The following ADAMTSL2 variants were observed in gnomAD, a reference collection of about 807,000 sequenced individuals.
ADAMTSL2 encodes ADAMTS-like protein 2.
ADAMTSL2 carries 55 observed loss-of-function variants against 117.0 expected under a neutral mutation model. The ratio of observed to expected loss-of-function variants is 0.47; its 90% CI spans 0.38 to 0.59. The LOEUF is 0.59. Among genes scored for constraint, ADAMTSL2 ranks in the 20% least tolerant of loss-of-function variants. The pLI is 0.00. For missense variants in ADAMTSL2, 1,182 were observed against 1,354.5 expected, an observed-to-expected ratio of 0.87 and a Z score of 2.00; for synonymous variants, 572 against 566.4, an observed-to-expected ratio of 1.01 and a Z score of -0.14.
At chr9:133,548,625 C>T (rs982720484) in intron 9 of ADAMTSL2, among the ~76,000 whole-genome samples, 1 of 151,888 alleles carries the variant, frequency 6.6e-6, no homozygotes, top group Non-Finnish European at 1.5e-5. Flanking sequence ...GGGCTTCGGC[C>T]AGCCCCCTGG....
chr9:133,564,581 AAGGAGAGAGAGAGG>A, intron 12 of ADAMTSL2, among the ~76,000 whole-genome samples: 1 of 70,426 alleles, frequency 1.4e-5, no homozygotes, highest in Admixed American at 1.6e-4. Context: ...AGGGAGAGAG[AAGGAGAGAGAGAGG>A]GGGAGAGAGA....
In ADAMTSL2 at chr9:133,561,305, AC is replaced by A; in HGVS notation, c.1747+11del. 6.3e-7 allele frequency: 1 copy of A among 1,580,698 alleles called. No individual in the cohort carries two copies. The highest frequency in any genetic ancestry group is 1.8e-4 in the Middle Eastern group (1 of 5,656). On this transcript the variant is annotated intron_variant, in intron 12 of 18. Transcript: ENST00000651351. ...GCCACCTGCACCACAGGTACTGGTC[AC>A]GGGTGCCAAGGGGCAGCAACTGCCC...
chr9:133,570,731 C>T (rs1430450627), intron 17 of ADAMTSL2, among the ~76,000 whole-genome samples: 3 of 152,230 alleles, frequency 2.0e-5, no homozygotes, highest in Non-Finnish European at 2.9e-5. Context: ...GGGATCCCTA[C>T]GGCACTCGTC....
At chr9:133,548,994 T>TCTGCGACGCCCTCTATTTCCCCTTAGCC (rs1588288244) in intron 9 of ADAMTSL2, among the ~76,000 whole-genome samples, 7 of 68,064 alleles carry the variant, frequency 1.0e-4, no homozygotes, top group South Asian at 9.6e-4. Flanking sequence ...GTTTCCTTCT[T>TCTGCGACGCCCTCTATTTCCCCTTAGCC]TTTTTTTTTT....
chr9:133,552,683 C>T (rs1489729023), intron 9 of ADAMTSL2, among the ~76,000 whole-genome samples: 1 of 152,186 alleles, frequency 6.6e-6, no homozygotes, highest in Non-Finnish European at 1.5e-5. Flanking sequence ...TGATCACATC[C>T]TGGCAGTGGA....
Position 133,536,795 on chromosome 9 carries a change from G to C in ADAMTSL2, c.83G>C (p.Gly28Ala), listed in dbSNP as rs1350025039. 2 of 1,614,070 alleles carry C rather than the reference G, an allele frequency of 1.2e-6. No homozygotes were observed. The highest frequency in any genetic ancestry group is 2.2e-5 in the East Asian group (1 of 44,896). ...GTAGCTGGGGACACAGTGTCAACCGGGTCCACGGTGAGTGGGGTGTTGTGG... is the reference window on the plus strand; with the variant it reads ...GTAGCTGGGGACACAGTGTCAACCGCGTCCACGGTGAGTGGGGTGTTGTGG... ...AVVAGDTVSTGSTDNSPTSNS... is the reference protein window; with the variant it reads ...AVVAGDTVSTASTDNSPTSNS... The change falls in exon 2 of 19, where the codon GGG (glycine) becomes GCG (alanine). Residue 28 changes from glycine to alanine, a missense_variant. By Grantham distance (60) the Gly-to-Ala change is moderately conservative (BLOSUM62 0). Transcript: ENST00000651351.
In ADAMTSL2 at chr9:133,554,722, G is replaced by C; in HGVS notation, c.1276+29G>C. The C allele has an allele frequency of 6.8e-7, 1 of 1,461,090 alleles. No homozygotes were observed. 90.5% of individuals were successfully genotyped at this position (1,461,090 alleles called of 1,614,324 possible). On this transcript the variant is annotated intron_variant, in intron 10 of 18. Coordinates refer to ENST00000651351, the MANE Select transcript of ADAMTSL2 (RefSeq NM_014694.4). This position sits in a 1 kb window ranked among gnomAD's most constrained non-coding sequence, Gnocchi z 5.2. The stretch of plus-strand genomic sequence containing the variant: ...ACCAGGAGGAGGGAGGCATGAGGGT[G>C]GGGCCCGGGAGGCAGCCCAGGGAAG...
At position 133,569,425 on chromosome 9, in the gene ADAMTSL2, G is replaced by A; in HGVS notation, c.2262G>A (p.Gly754=). 7 of 1,613,474 alleles carry A rather than the reference G, an allele frequency of 4.3e-6. No individual in the cohort carries two copies. The highest frequency in any genetic ancestry group is 5.9e-6 in the Non-Finnish European group (7 of 1,180,016). Reference sequence around the variant, plus strand: ...CCCTGCAGTGCAGTGGAAGCTGCGGGCAAGGCCGCACCATCAGGCACGTGT... The same window carrying A: ...CCCTGCAGTGCAGTGGAAGCTGCGGACAAGGCCGCACCATCAGGCACGTGT... ...SDWGPCSGSC[G]QGRTIRHVYC... The change falls in exon 16 of 19, where the codon GGG becomes GGA. Residue 754 remains glycine (G), a synonymous_variant. Coordinates refer to ENST00000651351, the MANE Select transcript of ADAMTSL2 (RefSeq NM_014694.4).
At chr9:133,572,497 C>G (rs2131189350) in intron 17 of ADAMTSL2, among the ~76,000 whole-genome samples, 1 of 152,276 alleles carries the variant, frequency 6.6e-6, no homozygotes, top group Admixed American at 6.5e-5. Flanking sequence ...TTCCAGGGCC[C>G]CAGGGAGCCA....
Position 133,539,804 on chromosome 9 carries a change from G to C in ADAMTSL2, c.343G>C (p.Glu115Gln). 6.5e-7 allele frequency: 1 copy of C among 1,548,746 alleles called. No homozygotes were observed. Among genetic ancestry groups the C allele is most frequent in the Non-Finnish European group, 8.7e-7 (1 of 1,146,330 alleles). ...GCCGGACGGGAGGAGCTTCCGCGAG[G>C]AGCAGTGCGTCTCCTTCAACTCCCA... ...CPPDGRSFRE[E>Q]QCVSFNSHVY... Residue 115 changes from glutamate (E) to glutamine (Q), a missense_variant, in exon 5 of 19, where the codon GAG (glutamate) becomes CAG (glutamine). Transcript: ENST00000651351.
intron 12 of ADAMTSL2, among the ~76,000 whole-genome samples, chr9:133,565,627 A>T (rs1193450971): frequency 6.6e-6 from 1 of 152,100 alleles, no homozygotes; most frequent in Non-Finnish European, 1.5e-5. Context: ...AAAAAGAAAA[A>T]ATCCCCTTGT....
intron 14 of ADAMTSL2, 58 bp from the exon 15 acceptor site, chr9:133,568,545 G>C (rs1355495507): frequency 4.5e-6 from 7 of 1,562,100 alleles, no homozygotes; most frequent in Non-Finnish European, 6.1e-6. Context: ...GGGCTTGGGA[G>C]ATGGAGGTGG....
rs768317830 is a variant in ADAMTSL2, at chr9:133,540,588, C to T, written c.413-10C>T. ...CGCTGAAACCTTCTGTCTTTGTCTC[C>T]CTCCACCAGATGACTATGTCCACAT... On this transcript the variant is annotated splice_polypyrimidine_tract_variant and intron_variant, in intron 5 of 18. Transcript: ENST00000651351. The T allele has an allele frequency of 2.4e-5, 38 of 1,613,084 alleles. No homozygotes were observed. The highest frequency in any genetic ancestry group is 6.6e-5 in the South Asian group (6 of 91,032).
At chr9:133,542,892 T>C (rs1830258333) in intron 7 of ADAMTSL2, among the ~76,000 whole-genome samples, 1 of 152,236 alleles carries the variant, frequency 6.6e-6, no homozygotes, top group Admixed American at 6.5e-5. Flanking sequence ...TAACAGTCTA[T>C]ATTTAAATAC....
At chr9:133,561,700 G>A (rs772717178) in intron 12 of ADAMTSL2, among the ~76,000 whole-genome samples, 3 of 152,216 alleles carry the variant, frequency 2.0e-5, no homozygotes, top group East Asian at 1.9e-4. Context: ...GATCTGTGAC[G>A]AAGGGAAGTA....
intron 12 of ADAMTSL2, among the ~76,000 whole-genome samples, chr9:133,565,479 G>A (rs935280613): frequency 5.9e-5 from 9 of 152,172 alleles, no homozygotes; most frequent in Non-Finnish European, 1.3e-4. Context: ...GCCCCAGAGC[G>A]GGTGTCTCTG....
At chr9:133,566,394 T>C (rs1588307452) in intron 12 of ADAMTSL2, among the ~76,000 whole-genome samples, 1 of 152,252 alleles carries the variant, frequency 6.6e-6, no homozygotes, top group East Asian at 1.9e-4. Context: ...TGAGCTGAGA[T>C]TGCACCATTG....
intron 11 of ADAMTSL2, among the ~76,000 whole-genome samples, chr9:133,559,484 C>T (rs1830679626): frequency 6.6e-6 from 1 of 151,320 alleles, no homozygotes; most frequent in African/African-American, 2.4e-5. Context: ...GCTGGGACTA[C>T]AGGCGCCCGC....
At chr9:133,543,116 A>T (rs894928816) in intron 7 of ADAMTSL2, among the ~76,000 whole-genome samples, 1 of 146,862 alleles carries the variant, frequency 6.8e-6, no homozygotes, top group African/African-American at 2.4e-5. Context: ...GCCCAGCTAA[A>T]TTTTTTTTGC....
Sources: gnomAD v4.1 joint callset for allele counts (sites outside exome capture counted in the v4.1 genomes callset) on GRCh38, gnomAD v4.1.1 for gene constraint, Gnocchi (gnomAD v3.1) non-coding constraint, MANE v1.5 for transcripts, NCBI Gene and HGNC (gene_info 2026-07-23, HGNC 2026-07-21) for gene names.